Variants in CACNB2 observed in about 807,000 individuals in gnomAD.
The protein encoded by CACNB2 is voltage-dependent L-type calcium channel subunit beta-2.
In CACNB2, 42 loss-of-function variants were observed where a neutral mutation model predicts 73.3. That is an observed-to-expected ratio of 0.57 (90% CI 0.45 to 0.74). The LOEUF is 0.74. Among genes scored for constraint, CACNB2 ranks in the 30% least tolerant of loss-of-function variants. The pLI is 0.00. For missense variants in CACNB2, 940 were observed against 853.0 expected (o/e 1.10, Z -1.27); for synonymous variants, 348 against 310.3 (o/e 1.12, Z -1.28).
intron 2 of CACNB2, among the ~76,000 whole-genome samples, chr10:18,383,787 C>T (rs920707548): frequency 2.6e-5 from 4 of 152,232 alleles, no homozygotes; most frequent in African/African-American, 7.2e-5. Context: ...CTCGGTACAA[C>T]CTCCGCTTCC....
At chr10:18,505,536 A>G (rs1186055021) in intron 5 of CACNB2, among the ~76,000 whole-genome samples, 1 of 152,192 alleles carries the variant, frequency 6.6e-6, no homozygotes, top group Admixed American at 6.5e-5. Context: ...CCATATTAAT[A>G]TTTACGTAAG....
chr10:18,156,159 G>A (rs10740995), intron 2 of CACNB2, among the ~76,000 whole-genome samples: 75,068 of 152,026 alleles, frequency 0.49, 18,939 homozygotes, highest in African/African-American at 0.59. Context: ...TATCTTTCCA[G>A]ACTTTTAGTT....
At chr10:18,465,709 T>C in intron 3 of CACNB2, among the ~76,000 whole-genome samples, 1 of 148,224 alleles carries the variant, frequency 6.7e-6, no homozygotes, top group African/African-American at 2.5e-5. Flanking sequence ...CAAGATGGCC[T>C]CTCCCTTTGT....
intron 10 of CACNB2, among the ~76,000 whole-genome samples, chr10:18,532,252 A>G (rs912018637): frequency 6.6e-6 from 1 of 152,206 alleles, no homozygotes; most frequent in African/African-American, 2.4e-5. Context: ...AGTGTAAAGT[A>G]TGTATGTAAG....
At chr10:18,487,091 A>G (rs1277962597) in intron 3 of CACNB2, among the ~76,000 whole-genome samples, 3 of 152,184 alleles carry the variant, frequency 2.0e-5, no homozygotes, top group African/African-American at 7.2e-5. Flanking sequence ...TGTTCGGACC[A>G]GGTGTGACAT....
intron 2 of CACNB2, chr10:18,401,118 C>G (rs758919099): frequency 2.5e-6 from 4 of 1,614,022 alleles, no homozygotes; most frequent in East Asian, 2.2e-5. Context: ...CAAGGGCTTT[C>G]GTTTGTGGGG....
rs1040723623 is a variant in CACNB2, at chr10:18,333,684, A to G, written c.214-68240A>G. ...ATTCACTGTCTGGCTAACACGTACC[A>G]TAATTATCCATATTTGTACACATAG... On this transcript the variant is annotated intron_variant, in intron 2 of 13. Coordinates refer to ENST00000324631, the MANE Select transcript of CACNB2 (RefSeq NM_201596.3). Among the ~76,000 whole-genome samples, 7 of 152,232 alleles carry G rather than the reference A, an allele frequency of 4.6e-5. No individual in the cohort carries two copies. The East Asian group carries it at 1.2e-3, about 25-fold the overall frequency.
At chr10:18,226,670 G>A (rs1292849278) in intron 2 of CACNB2, among the ~76,000 whole-genome samples, 1 of 152,178 alleles carries the variant, frequency 6.6e-6, no homozygotes, top group Non-Finnish European at 1.5e-5. Context: ...TCAATTGAAT[G>A]TCTATTCTGT....
intron 2 of CACNB2, among the ~76,000 whole-genome samples, chr10:18,243,313 G>A (rs925968959): frequency 8.6e-5 from 13 of 152,038 alleles, no homozygotes; most frequent in African/African-American, 3.1e-4. Context: ...GGAAATAAAG[G>A]TGATTCATAG....
At chr10:18,392,773 C>A (rs2043538499) in intron 2 of CACNB2, among the ~76,000 whole-genome samples, 1 of 152,084 alleles carries the variant, frequency 6.6e-6, no homozygotes, top group South Asian at 2.1e-4. Context: ...CCTTTTCTCC[C>A]ATTTCATTGA....
chr10:18,141,090 C>CG, intron 1 of CACNB2: 2 of 1,548,734 alleles, frequency 1.3e-6, no homozygotes, highest in Non-Finnish European at 1.7e-6. Flanking sequence ...TGGGGAAGGG[C>CG]GGGGGAGACC....
chr10:18,516,306 C>T (rs909041495), intron 7 of CACNB2, among the ~76,000 whole-genome samples: 3 of 152,112 alleles, frequency 2.0e-5, no homozygotes, highest in East Asian at 1.9e-4. Context: ...GGGCACAAAG[C>T]ACCAATATTC....
chr10:18,269,906 C>T (rs1317429890), intron 2 of CACNB2, among the ~76,000 whole-genome samples: 1 of 152,182 alleles, frequency 6.6e-6, no homozygotes, highest in African/African-American at 2.4e-5. Flanking sequence ...CAATCATGTT[C>T]GATCATTGCT....
chr10:18,198,734 C>T (rs1379141851), intron 2 of CACNB2, among the ~76,000 whole-genome samples: 3 of 152,272 alleles, frequency 2.0e-5, no homozygotes, highest in South Asian at 2.1e-4. Flanking sequence ...TTTACTTCCA[C>T]GCTTTCATTT....
intron 2 of CACNB2, among the ~76,000 whole-genome samples, chr10:18,318,808 C>A (rs2040290839): frequency 6.6e-6 from 1 of 152,150 alleles, no homozygotes. Flanking sequence ...ACAGACAGTT[C>A]TCAAAAGAAG....
chr10:18,281,425 G>A (rs370818745), intron 2 of CACNB2, among the ~76,000 whole-genome samples: 2 of 152,176 alleles, frequency 1.3e-5, no homozygotes, highest in East Asian at 1.9e-4. Flanking sequence ...GGGGATTGCC[G>A]TCTAATTAGT....
At chr10:18,400,471 C>A in intron 2 of CACNB2, 1 of 537,136 alleles carries the variant, frequency 1.9e-6, no homozygotes, top group Non-Finnish European at 2.4e-6. Flanking sequence ...GGCAATTTGA[C>A]ATAGACTAAC....
At chr10:18,453,840 A>C (rs2047134081) in intron 3 of CACNB2, among the ~76,000 whole-genome samples, 1 of 152,180 alleles carries the variant, frequency 6.6e-6, no homozygotes, top group East Asian at 1.9e-4. Context: ...CCTGTTGGCC[A>C]GACTCCTGTT....
intron 2 of CACNB2, among the ~76,000 whole-genome samples, chr10:18,298,007 T>C (rs2039348938): frequency 6.6e-6 from 1 of 152,196 alleles, no homozygotes; most frequent in Non-Finnish European, 1.5e-5. Context: ...GCTGAACTTT[T>C]GCTTTTTCTA....
Sources: allele counts gnomAD v4.1 joint callset (sites outside exome capture counted in the v4.1 genomes callset), GRCh38; gene constraint gnomAD v4.1.1; transcripts MANE v1.5; gene names NCBI Gene and HGNC (gene_info 2026-07-23, HGNC 2026-07-21).